The following MLPH variants were observed in gnomAD, a reference collection of about 807,000 sequenced individuals.
MLPH encodes melanophilin.
MLPH carries 51 observed loss-of-function variants against 72.1 expected under a neutral mutation model. The ratio of observed to expected loss-of-function variants is 0.71; its 90% confidence interval spans 0.56 to 0.89. The LOEUF is 0.89. Among genes scored for constraint, MLPH ranks in the 40% least tolerant of loss-of-function variants. The probability of loss-of-function intolerance (pLI) is 0.00; values close to 1 mark genes in which losing one functional copy is unlikely to be tolerated. For synonymous variants in MLPH, 301 were observed against 310.1 expected (o/e 0.97, Z 0.31); for missense variants, 743 against 759.9 (o/e 0.98, Z 0.26).
chr2:237,549,423 C>A, intron 14 of MLPH, 145 bp downstream of exon 14: 2 of 862,938 alleles, frequency 2.3e-6, no homozygotes, highest in South Asian at 1.4e-5. Context: ...CCCAGTGCCG[C>A]TCGGGCCACC....
In MLPH at chr2:237,549,973, G is replaced by A. The variant is rs1195984309; in HGVS notation, c.1675+695G>A. Among the ~76,000 whole-genome samples the A allele has an allele frequency of 3.3e-5, 5 of 152,256 alleles. No homozygotes were observed. In the South Asian group the frequency reaches 6.2e-4, roughly 19 times the overall value. On this transcript the variant is annotated intron_variant, in intron 14 of 15. Transcript: ENST00000264605. ...AATCCTTGGCTCCCAACTGCCTGCA[G>A]AATGAAGTGGGATTTCTTAGCATAG... is the stretch of plus-strand genomic sequence containing the variant.
intron 8 of MLPH, among the ~76,000 whole-genome samples, chr2:237,527,899 A>G (rs2080338154): frequency 6.6e-6 from 1 of 152,224 alleles, no homozygotes; most frequent in South Asian, 2.1e-4. Context: ...TGACAGATGA[A>G]TGGATAAAAA....
Position 237,505,418 on chromosome 2 carries a change from T to TCCCCACCAC in MLPH, c.111-5152_111-5144dup, listed in dbSNP as rs2079746486. ...GTTTAAGGATCACAGGGATGTGGAT[T>TCCCCACCAC]CCCCACCACCCCAGCACCCAACGCA... On this transcript the variant is annotated intron_variant, in intron 2 of 15. Coordinates refer to ENST00000264605, the MANE Select transcript of MLPH (RefSeq NM_024101.7). The surrounding 1 kb of genome is among the most constrained non-coding windows in gnomAD (Gnocchi z 4.5). Among the ~76,000 whole-genome samples, 1 of 152,084 alleles carries TCCCCACCAC rather than the reference T, an allele frequency of 6.6e-6. No individual in the cohort carries two copies. The highest frequency in any genetic ancestry group is 1.5e-5 in the Non-Finnish European group (1 of 68,020).
At chr2:237,521,481 A>G (rs1307176841) in intron 6 of MLPH, among the ~76,000 whole-genome samples, 1 of 152,182 alleles carries the variant, frequency 6.6e-6, no homozygotes, top group Non-Finnish European at 1.5e-5. Context: ...TAAATAATAT[A>G]GCTTTAAAAA....
chr2:237,531,566 C>A lies in MLPH; in HGVS notation c.1021-2998C>A, dbSNP rs144043358. ...GCGTGGTTTCCAGCCCCACTGAAAC[C>A]AATTATCCTTTATACCTGCTTGGAA... On this transcript the variant is annotated intron_variant, in intron 8 of 15. Coordinates refer to ENST00000264605, the MANE Select transcript of MLPH (RefSeq NM_024101.7). 4.0e-3 allele frequency among the ~76,000 whole-genome samples: 607 copies of A among 152,246 alleles called. 2 individuals carry two copies. The highest frequency in any genetic ancestry group is 5.7e-3 in the Non-Finnish European group (389 of 68,026).
chr2:237,517,617 A>G (rs2080070708), intron 4 of MLPH, among the ~76,000 whole-genome samples: 2 of 150,146 alleles, frequency 1.3e-5, no homozygotes, highest in South Asian at 4.3e-4. Flanking sequence ...TGGTGGGTGG[A>G]TGGATAGATG....
rs1258365223 is a variant in MLPH at position 237,510,581 on chromosome 2, A to G, written c.118A>G (p.Lys40Glu). 1.2e-6 allele frequency: 2 copies of G among 1,613,094 alleles called. No homozygotes were observed. The highest frequency in any genetic ancestry group is 2.7e-5 in the African/African-American group (2 of 74,920). The change falls in exon 3 of 16, where the codon AAG (lysine) becomes GAG (glutamate). Residue 40 changes from lysine (K) to glutamate (E), a missense_variant. Coordinates refer to ENST00000264605, the MANE Select transcript of MLPH (RefSeq NM_024101.7). The surrounding 1 kb of genome is among the most constrained non-coding windows in gnomAD (Gnocchi z 4.4). ...TTCTGATATTTTCCCAAGGGCGTTG[A>G]AGGGCAAGATTAAGAAGGAAAGCTC... ...RKEEERLEAL[K>E]GKIKKESSKR...
chr2:237,510,700 G>T lies in MLPH; in HGVS notation c.237G>T (p.Arg79Ser), dbSNP rs761049775. 5 of 1,613,624 alleles carry T rather than the reference G, an allele frequency of 3.1e-6. No individual in the cohort carries two copies. Among genetic ancestry groups the T allele is most frequent in the Non-Finnish European group, 4.2e-6 (5 of 1,180,044 alleles). The change falls in exon 3 of 16, where the codon AGG becomes AGT. Residue 79 changes from arginine to serine, a missense_variant. Arg to Ser is a moderately radical substitution (Grantham distance 110). Coordinates refer to ENST00000264605, the MANE Select transcript of MLPH (RefSeq NM_024101.7). The surrounding 1 kb of genome is among the most constrained non-coding windows in gnomAD (Gnocchi z 4.4). ...QPYQLLVNSKRQCLECGLFTC... is the reference protein window; with the variant it reads ...QPYQLLVNSKSQCLECGLFTC... ...ACCAGCTGCTTGTGAATAGCAAAAGGCAGTGCCTGGAATGTGGCCTCTTCA... is the reference window on the plus strand; with the variant it reads ...ACCAGCTGCTTGTGAATAGCAAAAGTCAGTGCCTGGAATGTGGCCTCTTCA...
chr2:237,509,984 C>A (rs1395572640), intron 2 of MLPH: 3 of 159,726 alleles, frequency 1.9e-5, no homozygotes, highest in Non-Finnish European at 4.2e-5. Context: ...TCATTATCAT[C>A]TAAGGATACA....
At chr2:237,494,822 A>G (rs1002217785) in intron 2 of MLPH, among the ~76,000 whole-genome samples, 2 of 152,204 alleles carry the variant, frequency 1.3e-5, no homozygotes, top group Non-Finnish European at 2.9e-5. Context: ...AGCTTCGTAA[A>G]GGTGAAGCTT....
chr2:237,517,737 A>ATGGATGGATGGATGGATAAGTAAGTGGG (rs2080078178), intron 4 of MLPH, among the ~76,000 whole-genome samples: 3 of 62,540 alleles, frequency 4.8e-5, no homozygotes, highest in Admixed American at 3.0e-4. Context: ...GGGTGGATGG[A>ATGGATGGATGGATGGATAAGTAAGTGGG]TGGATGGATG....
At chr2:237,516,508 C>T (rs1274802156) in intron 4 of MLPH, among the ~76,000 whole-genome samples, 1 of 152,200 alleles carries the variant, frequency 6.6e-6, no homozygotes, top group South Asian at 2.1e-4. Context: ...TTTGGGAGAA[C>T]ATGACTTAGC....
Position 237,527,385 on chromosome 2 carries a change from G to A in MLPH, c.889G>A (p.Val297Ile). ...CCACTCTCGCTCTGAAGGGTCGAAT[G>A]TCATCAGGAATGAGCAGCTGCCCCT... is the stretch of plus-strand genomic sequence containing the variant. The part of the protein sequence containing the change: ...LGTAAALGSN[V>I]IRNEQLPLQY... The change falls in exon 8 of 16, where the codon GTC becomes ATC. Residue 297 changes from valine (V) to isoleucine (I), a missense_variant. Coordinates refer to ENST00000264605, the MANE Select transcript of MLPH (RefSeq NM_024101.7). 3 of 1,614,216 alleles carry A rather than the reference G, an allele frequency of 1.9e-6. No individual in the cohort carries two copies. The highest frequency in any genetic ancestry group is 2.5e-6 in the Non-Finnish European group (3 of 1,180,048).
At chr2:237,535,827 C>T (rs2080519395) in intron 9 of MLPH, among the ~76,000 whole-genome samples, 2 of 152,170 alleles carry the variant, frequency 1.3e-5, no homozygotes, top group Admixed American at 6.5e-5. Context: ...TGTAGCAATT[C>T]ACTAGGTTAC....
Position 237,504,631 on chromosome 2 carries a change from G to T in MLPH, c.111-5943G>T, listed in dbSNP as rs192903898. 3.5e-3 allele frequency among the ~76,000 whole-genome samples: 540 copies of T among 152,314 alleles called. 1 individual carries two copies. Among genetic ancestry groups the T allele is most frequent in the South Asian group, 0.013 (63 of 4,828 alleles). On this transcript the variant is annotated intron_variant, in intron 2 of 15. Transcript: ENST00000264605. ...AGCCTTGCAGAAGGGCCCCCTGCAT[G>T]ACCTCCACTCTGTTGGAGGCCGCCG...
chr2:237,510,827 G>A lies in MLPH; in HGVS notation c.332+32G>A, dbSNP rs28517527. 1,924 of 1,611,428 alleles carry A rather than the reference G, an allele frequency of 1.2e-3. 18 individuals are homozygous for A. In the African/African-American group the frequency reaches 0.023, roughly 20 times the overall value. On this transcript the variant is annotated intron_variant, in intron 3 of 15. Coordinates refer to ENST00000264605, the MANE Select transcript of MLPH (RefSeq NM_024101.7). This position sits in a 1 kb window ranked among gnomAD's most constrained non-coding sequence, Gnocchi z 4.4. ...CCAGGCCTTGAGGTAAAATGACCTT[G>A]ATAGTTTCTGGATCTGGCGTGTCCC... is the stretch of plus-strand genomic sequence containing the variant.
At position 237,552,371 on chromosome 2, in the gene MLPH, G is replaced by A. The variant is rs41270745; in HGVS notation, c.1710G>A (p.Val570=). The change falls in exon 15 of 16, where the codon GTG becomes GTA. Residue 570 remains valine (V), a synonymous_variant. Transcript: ENST00000264605. ...KDDDSFDRKS[V]YRGSLTQRNP... is the part of the protein sequence containing the mutation. ...ATGATTCTTTTGATCGGAAATCAGT[G>A]TACCGAGGCTCGCTGACACAGAGAA... The A allele has an allele frequency of 3.4e-3, 5,476 of 1,614,020 alleles. 11 individuals carry two copies. Among genetic ancestry groups the A allele is most frequent in the Middle Eastern group, 4.9e-3 (30 of 6,062 alleles).
rs529321811 is a variant in MLPH at position 237,508,869 on chromosome 2, A to C, written c.111-1705A>C. Among the ~76,000 whole-genome samples, 3 of 152,268 alleles carry C rather than the reference A, an allele frequency of 2.0e-5. No homozygotes were observed. The South Asian group carries it at 6.2e-4, about 32-fold the overall frequency. ...GACTGCACGTACTTGCTTATGCCCC[A>C]TTCAGCACACCAAGCTGACTTGTTT... On this transcript the variant is annotated intron_variant, in intron 2 of 15. Transcript: ENST00000264605.
chr2:237,501,278 C>G (rs2079641789), intron 2 of MLPH, among the ~76,000 whole-genome samples: 1 of 152,182 alleles, frequency 6.6e-6, no homozygotes, highest in Non-Finnish European at 1.5e-5. Flanking sequence ...TGACCTCTTT[C>G]AGCTTCATCT....
Sources: gnomAD v4.1 joint callset for allele counts (sites outside exome capture counted in the v4.1 genomes callset) on GRCh38, gnomAD v4.1.1 for gene constraint, Gnocchi (gnomAD v3.1) non-coding constraint, MANE v1.5 for transcripts, NCBI Gene and HGNC (gene_info 2026-07-23, HGNC 2026-07-21) for gene names.